Variants in JCAD observed in about 807,000 individuals in gnomAD.
JCAD encodes the protein junctional cadherin 5 associated.
In JCAD, 40 loss-of-function variants were observed where a neutral mutation model predicts 98.0. The ratio of observed to expected loss-of-function variants is 0.41; its 90% confidence interval spans 0.32 to 0.53. The LOEUF (loss-of-function observed/expected upper bound fraction) is 0.53. Ranked by LOEUF, JCAD falls within the 20% of genes least tolerant of loss-of-function variation. The pLI, the probability that JCAD is intolerant of heterozygous loss-of-function variation, is 0.31. For missense variants in JCAD, 1,705 were observed against 1,738.1 expected (o/e 0.98, Z 0.34); for synonymous variants, 691 against 682.3 (o/e 1.01, Z -0.20).
At chr10:30,088,942 C>A (rs1838210907) in intron 1 of JCAD, among the ~76,000 whole-genome samples, 1 of 152,186 alleles carries the variant, frequency 6.6e-6, no homozygotes, top group Non-Finnish European at 1.5e-5. Flanking sequence ...AGCAGCACTG[C>A]AGTCCAGCCT....
chr10:30,094,044 G>T (rs768220829), intron 1 of JCAD, among the ~76,000 whole-genome samples: 9 of 152,152 alleles, frequency 5.9e-5, no homozygotes, highest in African/African-American at 1.9e-4. Context: ...GGTTGATGCC[G>T]CAGGAAGGAA....
At chr10:30,077,036 G>A (rs1410018608) in intron 1 of JCAD, among the ~76,000 whole-genome samples, 4 of 152,220 alleles carry the variant, frequency 2.6e-5, no homozygotes, top group East Asian at 3.9e-4. Flanking sequence ...GAAGACATTC[G>A]GAATTGCAGA....
At position 30,026,277 on chromosome 10, in the gene JCAD, T is replaced by C. The variant is rs770782857; in HGVS notation, c.3871A>G (p.Thr1291Ala). 11 of 1,613,830 alleles carry C rather than the reference T, an allele frequency of 6.8e-6. No individual in the cohort carries two copies. The highest frequency in any genetic ancestry group is 9.3e-6 in the Non-Finnish European group (11 of 1,180,012). Residue 1291 changes from threonine to alanine, a missense_variant, in exon 3 of 4, where the codon ACC becomes GCC. By Grantham distance (58) the Thr-to-Ala change is moderately conservative. This residue lies in a region of JCAD where 1,278 missense variants were observed against 1,243.1 expected (regional missense o/e 1.03). Transcript: ENST00000375377. ...GGGAGCCCGGCCTGGCCCCTTGTGG[T>C]GGCCTTCAATTCCTCGGCGTCCTCC... Reference protein sequence around the residue: ...SQEDAEELKATTRGQAGLPGG... With the variant: ...SQEDAEELKAATRGQAGLPGG...
intron 2 of JCAD, among the ~76,000 whole-genome samples, chr10:30,033,055 T>C (rs529105959): frequency 1.3e-4 from 20 of 152,278 alleles, no homozygotes; most frequent in African/African-American, 4.6e-4. Context: ...TTCAACGTTA[T>C]AATTACCACT....
chr10:30,093,967 G>A (rs1157993060), intron 1 of JCAD, among the ~76,000 whole-genome samples: 3 of 152,220 alleles, frequency 2.0e-5, no homozygotes, highest in Non-Finnish European at 4.4e-5. Context: ...AGAGGTTGGG[G>A]CCTTCATGGG....
rs1227271501 is a variant in JCAD, at chr10:30,101,004, T to C, written n.128+14363A>G. On this transcript the variant is annotated intron_variant and non_coding_transcript_variant, in intron 1 of 2. Transcript: ENST00000465712. The stretch of plus-strand genomic sequence containing the variant: ...AAGAGTTATTATCAATAAAAAGGAA[T>C]GTCTGGGTTAAGATAACGAGTTATG... Among the ~76,000 whole-genome samples, 6 of 152,218 alleles carry C rather than the reference T, an allele frequency of 3.9e-5. No homozygotes were observed. The East Asian group carries it at 1.2e-3, about 29-fold the overall frequency.
chr10:30,041,553 G>A (rs1002519509), intron 2 of JCAD, among the ~76,000 whole-genome samples: 3 of 152,130 alleles, frequency 2.0e-5, no homozygotes, highest in African/African-American at 7.2e-5. Flanking sequence ...GATGTTTACT[G>A]ATCAAATAGA....
At chr10:30,077,705 C>T (rs1224615410) in intron 1 of JCAD, among the ~76,000 whole-genome samples, 3 of 152,194 alleles carry the variant, frequency 2.0e-5, no homozygotes, top group Non-Finnish European at 4.4e-5. Flanking sequence ...TGGCTTATTT[C>T]ACCCAGCGTG....
intron 1 of JCAD, among the ~76,000 whole-genome samples, chr10:30,081,049 AC>A (rs1307143531): frequency 1.1e-4 from 17 of 152,344 alleles, no homozygotes; most frequent in African/African-American, 4.1e-4. Flanking sequence ...GAACAATGGA[AC>A]ATATCTTTTC....
chr10:30,074,796 T>G (rs75226916), intron 1 of JCAD, among the ~76,000 whole-genome samples: 13 of 145,860 alleles, frequency 8.9e-5, no homozygotes, highest in Non-Finnish European at 1.5e-4. Context: ...TACTGTTTTG[T>G]TTTTTTTTTA....
Position 30,092,124 on chromosome 10 carries a change from AT to A in JCAD, n.129-22304del, listed in dbSNP as rs201421891. The stretch of plus-strand genomic sequence containing the variant: ...TATATATATATATATATATATATAT[AT>A]AAAAAACATTTTAACTCTTTGCAAG... On this transcript the variant is annotated intron_variant and non_coding_transcript_variant, in intron 1 of 2. Coordinates refer to the JCAD transcript ENST00000465712. 2.9e-3 allele frequency among the ~76,000 whole-genome samples: 338 copies of A among 115,036 alleles called. 9 individuals are homozygous for A. Among genetic ancestry groups the A allele is most frequent in the East Asian group, 0.025 (106 of 4,158 alleles). The allele number at this position is 115,036 out of a possible 152,430, so 75.5% of individuals were successfully genotyped here. A position where few individuals can be genotyped will look rare whatever the true frequency, so the allele number is the denominator to read the frequency against.
chr10:30,023,981 T>C (rs982625708), intron 3 of JCAD, among the ~76,000 whole-genome samples: 1 of 152,150 alleles, frequency 6.6e-6, no homozygotes, highest in African/African-American at 2.4e-5. Flanking sequence ...CTGAGCAGTG[T>C]AGGCAAGACC....
intron 1 of JCAD, among the ~76,000 whole-genome samples, chr10:30,110,735 A>G (rs1420912305): frequency 6.6e-6 from 1 of 151,506 alleles, no homozygotes; most frequent in Non-Finnish European, 1.5e-5. Context: ...TAGACCACTG[A>G]TGTGTGAACC....
chr10:30,026,686 G>T lies in JCAD; in HGVS notation c.3462C>A (p.Thr1154=). 3 of 1,613,542 alleles carry T rather than the reference G, an allele frequency of 1.9e-6. No individual in the cohort carries two copies. Among genetic ancestry groups the T allele is most frequent in the South Asian group, 1.1e-5 (1 of 91,060 alleles). Residue 1154 remains threonine (T), a synonymous_variant, in exon 3 of 4, where the codon ACC becomes ACA. Transcript: ENST00000375377. ...AFYGRRKCGW[T]KSPLFVGDRD... ...TGTCCCCTACAAAGAGAGGGCTCTT[G>T]GTCCAGCCGCACTTCCTCCTGCCAT...
intron 1 of JCAD, among the ~76,000 whole-genome samples, chr10:30,089,050 C>T (rs1838213105): frequency 6.6e-6 from 1 of 152,072 alleles, no homozygotes; most frequent in Admixed American, 6.5e-5. Flanking sequence ...ATTTTAGAAA[C>T]CATTGATGAC....
At position 30,016,301 on chromosome 10, in the gene JCAD, A is replaced by T. The variant is rs997252074; in HGVS notation, c.*1582T>A. The T allele has an allele frequency of 4.6e-5, 7 of 151,558 alleles. No homozygotes were observed. The highest frequency in any genetic ancestry group is 2.1e-4 in the South Asian group (1 of 4,768). 9.4% of individuals were successfully genotyped at this position (151,558 alleles called of 1,614,324 possible). A position where few individuals can be genotyped will look rare whatever the true frequency, so the allele number is the denominator to read the frequency against. ...GTTTCTCTAAAAGAAAATAAAATGA[A>T]AGAGAAGGGGAAAAAATAAAAGGGA... On this transcript the variant is annotated 3_prime_UTR_variant, in exon 4 of 4. Coordinates refer to ENST00000375377, the MANE Select transcript of JCAD (RefSeq NM_020848.4).
At chr10:30,092,303 G>C (rs918506408) in intron 1 of JCAD, among the ~76,000 whole-genome samples, 1 of 150,934 alleles carries the variant, frequency 6.6e-6, no homozygotes, top group Non-Finnish European at 1.5e-5. Flanking sequence ...CGGGACCCAG[G>C]GAAGGTGATA....
At chr10:30,047,252 A>G (rs982820216) in intron 2 of JCAD, among the ~76,000 whole-genome samples, 1 of 152,146 alleles carries the variant, frequency 6.6e-6, no homozygotes, top group Non-Finnish European at 1.5e-5. Context: ...CATGCCTGTA[A>G]TCCCAGCTAC....
At chr10:30,044,507 C>G (rs544638742) in intron 2 of JCAD, among the ~76,000 whole-genome samples, 1 of 152,222 alleles carries the variant, frequency 6.6e-6, no homozygotes, top group South Asian at 2.1e-4. Context: ...ACAGGGCTAT[C>G]CCGGGCCCCA....
Sources: allele counts gnomAD v4.1 joint callset (sites outside exome capture counted in the v4.1 genomes callset), GRCh38; gene constraint gnomAD v4.1.1; regional missense constraint gnomAD v4.1.1; transcripts MANE v1.5; gene names NCBI Gene and HGNC (gene_info 2026-07-23, HGNC 2026-07-21).